SMAD1: variants seen among roughly 807,000 people sequenced by gnomAD.
The protein encoded by SMAD1 is MAD, mothers against decapentaplegic homolog 1.
In SMAD1, 6 loss-of-function variants were observed where a neutral mutation model predicts 41.6. The observed-to-expected ratio is 0.14, with a 90% CI of 0.08 to 0.28. SMAD1 has a LOEUF of 0.28. SMAD1 is among the 10% of genes least tolerant of loss of function. The pLI is 1.00. For synonymous variants in SMAD1, 206 were observed against 203.2 expected, an observed-to-expected ratio of 1.01 and a Z score of -0.12; for missense variants, 379 against 582.6, an observed-to-expected ratio of 0.65 and a Z score of 3.60.
intron 2 of SMAD1, among the ~76,000 whole-genome samples, chr4:145,517,495 T>C (rs577580234): frequency 2.6e-5 from 4 of 152,224 alleles, no homozygotes; most frequent in African/African-American, 7.2e-5. Context: ...TTCACACTTA[T>C]AATGATTGTT....
At chr4:145,554,171 G>T in intron 6 of SMAD1, 131 bp downstream of exon 6, 1 of 850,430 alleles carries the variant, frequency 1.2e-6, no homozygotes, top group Non-Finnish European at 1.8e-6. Context: ...TTATTATCTA[G>T]GCATTTTTAA....
At chr4:145,542,549 G>T (rs1732002501) in intron 3 of SMAD1, 33 bp from the exon 4 acceptor site, 1 of 1,313,260 alleles carries the variant, frequency 7.6e-7, no homozygotes, top group Non-Finnish European at 1.1e-6. Context: ...GTTTACTAAG[G>T]GTTAAGAAAT....
intron 1 of SMAD1, among the ~76,000 whole-genome samples, chr4:145,506,053 A>C (rs1414326596): frequency 6.6e-6 from 1 of 152,090 alleles, no homozygotes; most frequent in Non-Finnish European, 1.5e-5. Context: ...CATGTTGGCC[A>C]GGCTGATCTT....
At chr4:145,507,891 GT>G in intron 1 of SMAD1, among the ~76,000 whole-genome samples, 1 of 152,190 alleles carries the variant, frequency 6.6e-6, no homozygotes, top group East Asian at 1.9e-4. Flanking sequence ...TATGAGGTAG[GT>G]TACCTGTTTG....
intron 6 of SMAD1, among the ~76,000 whole-genome samples, chr4:145,554,831 G>A (rs754831639): frequency 2.0e-5 from 3 of 151,984 alleles, no homozygotes; most frequent in Non-Finnish European, 4.4e-5. Flanking sequence ...TCATTCTCTC[G>A]TACTTTGAGA....
intron 1 of SMAD1, among the ~76,000 whole-genome samples, chr4:145,501,817 GT>G (rs1262427592): frequency 2.0e-5 from 3 of 151,748 alleles, no homozygotes; most frequent in African/African-American, 7.3e-5. Context: ...TCTGGAGAAA[GT>G]TACTTTAACC....
intron 2 of SMAD1, among the ~76,000 whole-genome samples, chr4:145,519,092 T>C: frequency 1.2e-5 from 1 of 85,202 alleles, no homozygotes; most frequent in African/African-American, 3.6e-5. Context: ...GGTTGGCTTT[T>C]TTTTTTTTTT....
intron 2 of SMAD1, among the ~76,000 whole-genome samples, chr4:145,519,524 A>T (rs1346014318): frequency 6.6e-6 from 1 of 150,396 alleles, no homozygotes; most frequent in African/African-American, 2.5e-5. Context: ...GCATGGTGGC[A>T]TGTGCCTATA....
chr4:145,508,799 T>C (rs1428332695), intron 1 of SMAD1, among the ~76,000 whole-genome samples: 4 of 152,180 alleles, frequency 2.6e-5, no homozygotes, highest in Admixed American at 6.5e-5. Context: ...AAGATCAAGG[T>C]ACCTGGATGG....
chr4:145,493,014 A>G (rs1157678614), intron 1 of SMAD1, among the ~76,000 whole-genome samples: 3 of 152,190 alleles, frequency 2.0e-5, no homozygotes, highest in Non-Finnish European at 2.9e-5. Context: ...CTGTCTTACC[A>G]TCTCCTTTCT....
At chr4:145,542,207 C>A (rs1343029495) in intron 3 of SMAD1, among the ~76,000 whole-genome samples, 1 of 152,242 alleles carries the variant, frequency 6.6e-6, no homozygotes, top group East Asian at 1.9e-4. Context: ...GTGAAGCTTT[C>A]AGAGGTTTTC....
chr4:145,491,775 C>T (rs1008369679), intron 1 of SMAD1, among the ~76,000 whole-genome samples: 27 of 152,176 alleles, frequency 1.8e-4, no homozygotes, highest in Admixed American at 2.0e-4. Context: ...CACAGTTTCT[C>T]AGTCACCTGG....
chr4:145,540,944 A>C (rs965079735), intron 3 of SMAD1, among the ~76,000 whole-genome samples: 1 of 152,180 alleles, frequency 6.6e-6, no homozygotes, highest in African/African-American at 2.4e-5. Context: ...GTCCACATTT[A>C]TATTGCTTTC....
intron 3 of SMAD1, among the ~76,000 whole-genome samples, 165 bp downstream of exon 3, chr4:145,540,226 A>G (rs1286368971): frequency 6.6e-6 from 1 of 152,284 alleles, no homozygotes; most frequent in African/African-American, 2.4e-5. Flanking sequence ...AGGAGACCTC[A>G]TAGTCAAGTA....
At position 145,558,046 on chromosome 4, in the gene SMAD1, T is replaced by C; in HGVS notation, c.*112T>C. On this transcript the variant is annotated 3_prime_UTR_variant, in exon 7 of 7. Coordinates refer to ENST00000302085, the MANE Select transcript of SMAD1 (RefSeq NM_005900.3). Reference sequence around the variant, plus strand: ...AAAGGAGCCTTGATAATACTTGACCTCTGTGACCAACTGTTGGATTCAGAA... The same window carrying C: ...AAAGGAGCCTTGATAATACTTGACCCCTGTGACCAACTGTTGGATTCAGAA... 1.6e-6 allele frequency: 1 copy of C among 614,424 alleles called. No homozygotes were observed. Among genetic ancestry groups the C allele is most frequent in the East Asian group, 3.0e-5 (1 of 33,078 alleles). 38.1% of individuals were successfully genotyped at this position (614,424 alleles called of 1,614,324 possible). A position where few individuals can be genotyped will look rare whatever the true frequency, so the allele number is the denominator to read the frequency against.
At chr4:145,502,946 A>G (rs369779217) in intron 1 of SMAD1, 2 of 152,232 alleles carry the variant, frequency 1.3e-5, no homozygotes, top group East Asian at 1.9e-4. Context: ...AGAGACTGGA[A>G]GACTTGCTGT....
intron 6 of SMAD1, among the ~76,000 whole-genome samples, chr4:145,555,161 A>G (rs1185868306): frequency 1.3e-5 from 2 of 152,186 alleles, no homozygotes; most frequent in African/African-American, 2.4e-5. Flanking sequence ...CCTTGTTAGT[A>G]TTAAGAAAAT....
intron 2 of SMAD1, among the ~76,000 whole-genome samples, chr4:145,527,913 T>C (rs184396365): frequency 6.6e-6 from 1 of 150,894 alleles, no homozygotes; most frequent in Non-Finnish European, 1.5e-5. Context: ...CTGGCTGTAG[T>C]GCAGTGGCGC....
chr4:145,518,824 G>A lies in SMAD1; in HGVS notation c.400+3811G>A, dbSNP rs542188003. On this transcript the variant is annotated intron_variant, in intron 2 of 6. Coordinates refer to ENST00000302085, the MANE Select transcript of SMAD1 (RefSeq NM_005900.3). Reference sequence around the variant, plus strand: ...TAGGTTTAGAGTAGTGGTTTTCAAAGTGTCGTCCACAGAGTAGTAGCATCA... The same window carrying A: ...TAGGTTTAGAGTAGTGGTTTTCAAAATGTCGTCCACAGAGTAGTAGCATCA... Among the ~76,000 whole-genome samples, 15 of 125,338 alleles carry A rather than the reference G, an allele frequency of 1.2e-4. 1 individual carries two copies. The highest frequency in any genetic ancestry group is 3.5e-4 in the African/African-American group (14 of 39,518). The allele number at this position is 125,338 out of a possible 152,430, so 82.2% of individuals were successfully genotyped here.
Sources: gnomAD v4.1 joint callset for allele counts (sites outside exome capture counted in the v4.1 genomes callset) on GRCh38, gnomAD v4.1.1 for gene constraint, MANE v1.5 for transcripts, NCBI Gene and HGNC (gene_info 2026-07-23, HGNC 2026-07-21) for gene names.